Variants in SDCCAG8 observed in about 807,000 individuals in gnomAD.
SDCCAG8 encodes serologically defined colon cancer antigen 8.
A neutral mutation model predicts 101.8 loss-of-function variants in SDCCAG8; 74 were observed. The observed-to-expected ratio is 0.73, with a 90% confidence interval of 0.60 to 0.88. The LOEUF is 0.88. Among genes scored for constraint, SDCCAG8 ranks in the 40% least tolerant of loss-of-function variants. SDCCAG8 has a pLI of 0.00. For synonymous variants in SDCCAG8, 281 were observed against 292.9 expected (o/e 0.96, Z 0.41); for missense variants, 787 against 822.6 (o/e 0.96, Z 0.53).
At chr1:243,472,389 GTCTGTT>G (rs1297121821) in intron 16 of SDCCAG8, among the ~76,000 whole-genome samples, 3 of 152,154 alleles carry the variant, frequency 2.0e-5, no homozygotes, top group African/African-American at 7.2e-5. Context: ...TTGTTTGTTT[GTCTGTT>G]TCTAAGTCCA....
At position 243,278,103 on chromosome 1, in the gene SDCCAG8, G is replaced by A. The variant is rs139165065; in HGVS notation, c.420+3447G>A. Among the ~76,000 whole-genome samples the A allele has an allele frequency of 7.9e-3, 1,203 of 152,264 alleles. 16 individuals are homozygous for A. Among genetic ancestry groups the A allele is most frequent in the African/African-American group, 0.027 (1,133 of 41,550 alleles). ...GAATAACTGGCATTTTGATACTATTGAGTATCCCTATCCATGAACATGGAA... is the reference window on the plus strand; with the variant it reads ...GAATAACTGGCATTTTGATACTATTAAGTATCCCTATCCATGAACATGGAA... On this transcript the variant is annotated intron_variant, in intron 4 of 17. Coordinates refer to ENST00000366541, the MANE Select transcript of SDCCAG8 (RefSeq NM_006642.5).
At position 243,293,124 on chromosome 1, in the gene SDCCAG8, G is replaced by C. The variant is rs1256869625; in HGVS notation, c.580G>C (p.Glu194Gln). 6.2e-7 allele frequency: 1 copy of C among 1,614,148 alleles called. No homozygotes were observed. Among genetic ancestry groups the C allele is most frequent in the East Asian group, 2.2e-5 (1 of 44,882 alleles). ...GCACAATTCTTGGATTACAACAGGT[G>C]AAGATTCTGGGGTGGGCGAAACCTC... ...NMHNSWITTGEDSGVGETSKR... is the reference protein window; with the variant it reads ...NMHNSWITTGQDSGVGETSKR... Residue 194 changes from glutamate to glutamine, a missense_variant, in exon 6 of 18, where the codon GAA becomes CAA. By Grantham distance (29) the Glu-to-Gln change is conservative (BLOSUM62 2). Transcript: ENST00000366541.
chr1:243,295,610 T>C (rs775609187), intron 6 of SDCCAG8, among the ~76,000 whole-genome samples: 3 of 152,212 alleles, frequency 2.0e-5, no homozygotes, highest in African/African-American at 4.8e-5. Flanking sequence ...GCTTCATAAA[T>C]TTATAATCCA....
chr1:243,324,874 C>T (rs1297985755), intron 9 of SDCCAG8, among the ~76,000 whole-genome samples: 1 of 152,134 alleles, frequency 6.6e-6, no homozygotes, highest in African/African-American at 2.4e-5. Flanking sequence ...TCACTGTTTC[C>T]AGAACATGAC....
chr1:243,341,002 T>A, intron 10 of SDCCAG8, 37 bp from the exon 11 acceptor site: 1 of 1,601,306 alleles, frequency 6.2e-7, no homozygotes, highest in Non-Finnish European at 8.6e-7. Context: ...ATTTGTCAAA[T>A]GACATTATTG....
At chr1:243,324,763 C>T (rs188213584) in intron 9 of SDCCAG8, among the ~76,000 whole-genome samples, 17 of 152,228 alleles carry the variant, frequency 1.1e-4, no homozygotes, top group Admixed American at 7.9e-4. Flanking sequence ...TATAAATCTC[C>T]CTGTTTAGGT....
At chr1:243,366,266 C>T (rs2076986129) in intron 12 of SDCCAG8, among the ~76,000 whole-genome samples, 1 of 151,596 alleles carries the variant, frequency 6.6e-6, no homozygotes, top group Non-Finnish European at 1.5e-5. Context: ...TTTGAAAGTG[C>T]CTGTCATTCT....
At chr1:243,400,346 T>C (rs1317429032) in intron 13 of SDCCAG8, among the ~76,000 whole-genome samples, 1 of 152,202 alleles carries the variant, frequency 6.6e-6, no homozygotes, top group African/African-American at 2.4e-5. Context: ...CTAAACTAAT[T>C]TGTAGTAGGA....
chr1:243,459,971 T>C (rs1251947167), intron 16 of SDCCAG8, among the ~76,000 whole-genome samples: 1 of 152,178 alleles, frequency 6.6e-6, no homozygotes, highest in Non-Finnish European at 1.5e-5. Context: ...TTCCAAGCTG[T>C]TTAGGAAAAT....
intron 16 of SDCCAG8, 23 bp downstream of exon 16, chr1:243,426,581 T>C (rs1482798882): frequency 6.2e-7 from 1 of 1,613,646 alleles, no homozygotes; most frequent in African/African-American, 1.3e-5. Flanking sequence ...TCATGTCAAC[T>C]CATGTGCCGC....
intron 10 of SDCCAG8, among the ~76,000 whole-genome samples, chr1:243,338,066 G>A (rs766120836): frequency 4.0e-5 from 6 of 151,746 alleles, no homozygotes; most frequent in Non-Finnish European, 8.8e-5. Context: ...GACTACAGGC[G>A]TGTGCCACCT....
At chr1:243,465,368 G>T (rs777987582) in intron 16 of SDCCAG8, among the ~76,000 whole-genome samples, 1 of 152,228 alleles carries the variant, frequency 6.6e-6, no homozygotes. Context: ...GAGAACCAGC[G>T]TGAAGAACAC....
At chr1:243,405,171 T>TTA (rs2079681620) in intron 13 of SDCCAG8, among the ~76,000 whole-genome samples, 1 of 152,190 alleles carries the variant, frequency 6.6e-6, no homozygotes, top group Non-Finnish European at 1.5e-5. Context: ...TGTCCCAAAC[T>TTA]TAGACTTCTT....
At chr1:243,401,791 C>T (rs540759864) in intron 13 of SDCCAG8, among the ~76,000 whole-genome samples, 5 of 151,552 alleles carry the variant, frequency 3.3e-5, no homozygotes, top group East Asian at 1.9e-4. Context: ...ACTTCAGCTT[C>T]GGTTGTTCTT....
chr1:243,326,123 T>A (rs548646954), intron 9 of SDCCAG8, among the ~76,000 whole-genome samples: 24 of 152,008 alleles, frequency 1.6e-4, no homozygotes, highest in East Asian at 5.8e-4. Context: ...AAAAAAAAAA[T>A]TTTCTTTTTT....
intron 16 of SDCCAG8, among the ~76,000 whole-genome samples, chr1:243,459,242 G>C (rs887768250): frequency 2.0e-5 from 3 of 152,204 alleles, no homozygotes; most frequent in Admixed American, 6.5e-5. Flanking sequence ...TGGAGGCTCG[G>C]AGGGAGGAAG....
intron 6 of SDCCAG8, chr1:243,293,485 T>C: frequency 1.7e-6 from 1 of 590,138 alleles, no homozygotes. Flanking sequence ...TGACCTCTCT[T>C]CAACTTTCGG....
At chr1:243,420,284 A>T (rs2080903585) in intron 15 of SDCCAG8, among the ~76,000 whole-genome samples, 2 of 152,176 alleles carry the variant, frequency 1.3e-5, no homozygotes, top group African/African-American at 4.8e-5. Flanking sequence ...TTGTTATGGG[A>T]ATTAGAATTG....
chr1:243,430,119 A>G (rs554660854), intron 16 of SDCCAG8, among the ~76,000 whole-genome samples: 1 of 151,994 alleles, frequency 6.6e-6, no homozygotes, highest in East Asian at 2.0e-4. Flanking sequence ...CAGGTGTGTG[A>G]GCCACTGTCC....
Sources: gnomAD v4.1 joint callset for allele counts (sites outside exome capture counted in the v4.1 genomes callset) on GRCh38, gnomAD v4.1.1 for gene constraint, MANE v1.5 for transcripts, NCBI Gene and HGNC (gene_info 2026-07-23, HGNC 2026-07-21) for gene names.